NPAS3: variants seen among roughly 807,000 people sequenced by gnomAD.
NPAS3 encodes the protein neuronal PAS domain-containing protein 3.
Under a neutral mutation model 73.1 loss-of-function variants are expected in NPAS3, and 14 were observed. The observed-to-expected ratio is 0.19, with a 90% CI of 0.13 to 0.30. The LOEUF (loss-of-function observed/expected upper bound fraction) is 0.30, where lower values mean the gene tolerates loss of function less well. Among genes scored for constraint, NPAS3 ranks in the 10% least tolerant of loss-of-function variants. NPAS3 has a pLI of 1.00. For missense variants in NPAS3, 1,096 were observed against 1,250.0 expected (o/e 0.88, Z 1.86); for synonymous variants, 620 against 541.5 (o/e 1.14, Z -2.01).
At chr14:33,093,963 C>T (rs2042317436) in intron 2 of NPAS3, among the ~76,000 whole-genome samples, 1 of 151,306 alleles carries the variant, frequency 6.6e-6, no homozygotes, top group African/African-American at 2.4e-5. Context: ...ACACCGGGGC[C>T]TGTTGTGGGG....
At chr14:33,712,821 G>A (rs2060858363) in intron 6 of NPAS3, among the ~76,000 whole-genome samples, 1 of 152,108 alleles carries the variant, frequency 6.6e-6, no homozygotes, top group African/African-American at 2.4e-5. Flanking sequence ...GGGTAAACAA[G>A]GTATAGCACA....
chr14:33,434,124 G>A (rs1169524677), intron 4 of NPAS3, among the ~76,000 whole-genome samples: 1 of 152,138 alleles, frequency 6.6e-6, no homozygotes, highest in African/African-American at 2.4e-5. Flanking sequence ...CCCAGGAGGC[G>A]GAGGTTGCAG....
At chr14:33,213,860 G>A (rs867893008) in intron 2 of NPAS3, 4 of 152,158 alleles carry the variant, frequency 2.6e-5, no homozygotes, top group South Asian at 4.1e-4. Context: ...TAGATATTCA[G>A]TAAGATATTT....
At chr14:33,684,984 T>C (rs2060048393) in intron 6 of NPAS3, among the ~76,000 whole-genome samples, 1 of 152,226 alleles carries the variant, frequency 6.6e-6, no homozygotes, top group South Asian at 2.1e-4. Context: ...CTTCTATTAG[T>C]AGAAGAATTA....
At chr14:33,588,453 C>T (rs555380623) in intron 5 of NPAS3, among the ~76,000 whole-genome samples, 159 of 152,306 alleles carry the variant, frequency 1.0e-3, no homozygotes, top group African/African-American at 3.6e-3. Context: ...CCCAAGTCCC[C>T]CTGACATAAG....
At chr14:33,379,177 T>G (rs1406852610) in intron 4 of NPAS3, among the ~76,000 whole-genome samples, 4 of 152,246 alleles carry the variant, frequency 2.6e-5, no homozygotes, top group Non-Finnish European at 5.9e-5. Context: ...TATATAATTA[T>G]GTATATGCAA....
At chr14:33,197,271 T>TGTGTG (rs1466236792) in intron 2 of NPAS3, among the ~76,000 whole-genome samples, 30 of 28,966 alleles carry the variant, frequency 1.0e-3, no homozygotes, top group African/African-American at 2.9e-3. Flanking sequence ...GTGTGTGTTC[T>TGTGTG]TTTTCAATTG....
chr14:33,491,657 T>A (rs1051067980), intron 4 of NPAS3, among the ~76,000 whole-genome samples: 6 of 152,194 alleles, frequency 3.9e-5, no homozygotes, highest in African/African-American at 1.4e-4. Flanking sequence ...AGTTGTTTGG[T>A]TCACCTTCAG....
At chr14:33,438,497 AG>A (rs1381472735) in intron 4 of NPAS3, among the ~76,000 whole-genome samples, 1 of 152,234 alleles carries the variant, frequency 6.6e-6, no homozygotes, top group Non-Finnish European at 1.5e-5. Context: ...CTGAATTGCA[AG>A]GCTGAATCAG....
chr14:33,646,963 A>G (rs772050609), intron 5 of NPAS3, among the ~76,000 whole-genome samples: 14 of 152,176 alleles, frequency 9.2e-5, no homozygotes, highest in Non-Finnish European at 1.3e-4. Flanking sequence ...GGTAGCAACA[A>G]GGAGATAGTG....
At chr14:33,000,624 T>A (rs1345527262) in intron 1 of NPAS3, among the ~76,000 whole-genome samples, 2 of 152,226 alleles carry the variant, frequency 1.3e-5, no homozygotes, top group Non-Finnish European at 2.9e-5. Context: ...GGAAACACAA[T>A]CTTTGTTCAT....
At chr14:33,658,690 G>C (rs1243843807) in intron 5 of NPAS3, among the ~76,000 whole-genome samples, 1 of 152,220 alleles carries the variant, frequency 6.6e-6, no homozygotes, top group East Asian at 1.9e-4. Context: ...GCAATGTCAG[G>C]GGGAGGATGG....
At chr14:33,209,193 T>C (rs1594399414) in intron 2 of NPAS3, among the ~76,000 whole-genome samples, 1 of 152,264 alleles carries the variant, frequency 6.6e-6, no homozygotes, top group South Asian at 2.1e-4. Context: ...TTGTGCATAA[T>C]CCTACCAGAT....
chr14:33,586,830 T>C (rs1441468611), intron 5 of NPAS3, among the ~76,000 whole-genome samples: 1 of 152,226 alleles, frequency 6.6e-6, no homozygotes, highest in Non-Finnish European at 1.5e-5. Context: ...CCATGTAGTT[T>C]GTAAACCTGT....
In NPAS3 at chr14:33,019,589, G is replaced by C. The variant is rs567313182; in HGVS notation, c.51-36316G>C. 1.2e-4 allele frequency among the ~76,000 whole-genome samples: 18 copies of C among 152,254 alleles called. No individual in the cohort carries two copies. In the East Asian group the frequency reaches 3.3e-3, roughly 28 times the overall value. On this transcript the variant is annotated intron_variant, in intron 1 of 11. Coordinates refer to ENST00000356141, the Ensembl canonical transcript of NPAS3. ...TCTTGGTGGCTGGTGTCTCTTCAAA[G>C]GTGTGTGAAAGTGAATGATTGATTT...
chr14:33,334,515 G>A (rs990231561), intron 3 of NPAS3, among the ~76,000 whole-genome samples: 1 of 152,062 alleles, frequency 6.6e-6, no homozygotes, highest in South Asian at 2.1e-4. Context: ...TTTACTTAGC[G>A]TAGTGTTGTG....
At position 33,127,774 on chromosome 14, in the gene NPAS3, A is replaced by C. The variant is rs539655272; in HGVS notation, c.140+71780A>C. On this transcript the variant is annotated intron_variant, in intron 2 of 11. Transcript: ENST00000356141. Reference sequence around the variant, plus strand: ...TAATCCCATGGCTTTGGAGGATGTGACTCACCTTCCTGAATCCTTACTCTG... The same window carrying C: ...TAATCCCATGGCTTTGGAGGATGTGCCTCACCTTCCTGAATCCTTACTCTG... Among the ~76,000 whole-genome samples, 7 of 152,118 alleles carry C rather than the reference A, an allele frequency of 4.6e-5. No individual in the cohort carries two copies. In the East Asian group the frequency reaches 1.4e-3, roughly 29 times the overall value.
chr14:33,711,100 G>T (rs1595482692), intron 6 of NPAS3, among the ~76,000 whole-genome samples: 1 of 152,144 alleles, frequency 6.6e-6, no homozygotes, highest in African/African-American at 2.4e-5. Flanking sequence ...TTTACCAGAC[G>T]AGGATTTGTT....
intron 2 of NPAS3, among the ~76,000 whole-genome samples, chr14:33,199,898 A>G (rs1368925767): frequency 1.3e-5 from 2 of 152,156 alleles, no homozygotes; most frequent in African/African-American, 2.4e-5. Context: ...TTCAACACGT[A>G]CTTATCGAAG....
Sources: gnomAD v4.1 joint callset for allele counts (sites outside exome capture counted in the v4.1 genomes callset) on GRCh38, gnomAD v4.1.1 for gene constraint, MANE v1.5 for transcripts, NCBI Gene and HGNC (gene_info 2026-07-23, HGNC 2026-07-21) for gene names.